Variants in YTHDF1 observed in about 807,000 individuals in gnomAD.
YTHDF1 encodes the protein YTH domain-containing family protein 1.
Under a neutral mutation model 49.1 loss-of-function variants are expected in YTHDF1, and 16 were observed. The observed-to-expected ratio is 0.33, with a 90% CI of 0.22 to 0.49. The LOEUF (loss-of-function observed/expected upper bound fraction) is 0.49, where lower values mean the gene tolerates loss of function less well. YTHDF1 is among the 20% of genes least tolerant of loss of function. YTHDF1 has a pLI of 0.99. For missense variants in YTHDF1, 621 were observed against 744.3 expected (o/e 0.83, Z 1.93); for synonymous variants, 313 against 290.1 (o/e 1.08, Z -0.80).
intron 4 of YTHDF1, 146 bp from the exon 5 acceptor site, chr20:63,196,880 A>G: frequency 1.2e-6 from 1 of 849,090 alleles, no homozygotes; most frequent in Non-Finnish European, 1.8e-6. Context: ...CCAGCACACA[A>G]CTCTGAGCTG....
chr20:63,199,965 G>A (rs1259995620), intron 4 of YTHDF1, among the ~76,000 whole-genome samples: 1 of 152,000 alleles, frequency 6.6e-6, no homozygotes, highest in East Asian at 1.9e-4. Flanking sequence ...GAGGCAGGAA[G>A]ACCGCTTGAG....
chr20:63,199,696 G>A (rs1293205677), intron 4 of YTHDF1, among the ~76,000 whole-genome samples: 1 of 152,178 alleles, frequency 6.6e-6, no homozygotes, highest in Non-Finnish European at 1.5e-5. Context: ...GGGAGAGCCA[G>A]CAGCGAAGTC....
intron 3 of YTHDF1, among the ~76,000 whole-genome samples, chr20:63,212,602 C>A (rs2066580227): frequency 6.6e-6 from 1 of 152,210 alleles, no homozygotes; most frequent in South Asian, 2.1e-4. Flanking sequence ...AGCCAACGGC[C>A]TGGAGGTAGG....
chr20:63,215,443 A>T, intron 2 of YTHDF1, 134 bp downstream of exon 2: 1 of 1,221,446 alleles, frequency 8.2e-7, no homozygotes, highest in Non-Finnish European at 1.2e-6. Context: ...GAATCGTCGC[A>T]CAACCTCAAG....
intron 3 of YTHDF1, among the ~76,000 whole-genome samples, chr20:63,208,258 A>G (rs2066557636): frequency 6.6e-6 from 1 of 152,184 alleles, no homozygotes; most frequent in Non-Finnish European, 1.5e-5. Flanking sequence ...AAAAACAAAC[A>G]AACAAAACAA....
intron 3 of YTHDF1, among the ~76,000 whole-genome samples, chr20:63,207,675 G>A (rs1032575443): frequency 6.6e-6 from 1 of 152,088 alleles, no homozygotes; most frequent in Non-Finnish European, 1.5e-5. Context: ...CCTCACTGCA[G>A]CCCCTGCGGA....
In YTHDF1 at chr20:63,203,629, A is replaced by C; in HGVS notation, c.311T>G (p.Val104Gly). 2 of 1,614,092 alleles carry C rather than the reference A, an allele frequency of 1.2e-6. No individual in the cohort carries two copies. The highest frequency in any genetic ancestry group is 1.7e-6 in the Non-Finnish European group (2 of 1,180,024). Residue 104 changes from valine to glycine, a missense_variant, in exon 4 of 5, where the codon GTT becomes GGT. Coordinates refer to ENST00000370339, the MANE Select transcript of YTHDF1 (RefSeq NM_017798.4). This position sits in a 1 kb window ranked among gnomAD's most constrained non-coding sequence, Gnocchi z 4.4. ...CCCCAGGCCCCCAGGCTGCCCAAAA[A>C]CAGCATCGTGCATAAAATGATGGTC... is the stretch of plus-strand genomic sequence containing the variant. ...NGDHHFMHDAVFGQPGGLGNN... is the reference protein window; with the variant it reads ...NGDHHFMHDAGFGQPGGLGNN...
chr20:63,212,687 T>G (rs145688821), intron 3 of YTHDF1, among the ~76,000 whole-genome samples: 211 of 152,328 alleles, frequency 1.4e-3, no homozygotes, highest in African/African-American at 4.7e-3. Flanking sequence ...CTTGGGAGTT[T>G]TGCTGCAACA....
chr20:63,201,743 G>C lies in YTHDF1; in HGVS notation c.1653+544C>G, dbSNP rs144290131. Among the ~76,000 whole-genome samples the C allele has an allele frequency of 9.8e-3, 1,486 of 152,290 alleles. 11 individuals carry two copies. Among genetic ancestry groups the C allele is most frequent in the Non-Finnish European group, 0.013 (910 of 68,034 alleles). On this transcript the variant is annotated intron_variant, in intron 4 of 4. Transcript: ENST00000370339. Reference sequence around the variant, plus strand: ...GTTTCCAAAAACTGCAGGATACTGGGTTTTTAAAAGAAAAATAAAGCAACG... The same window carrying C: ...GTTTCCAAAAACTGCAGGATACTGGCTTTTTAAAAGAAAAATAAAGCAACG...
Position 63,203,112 on chromosome 20 carries a change from G to T in YTHDF1, c.828C>A (p.Asn276Lys). 6.2e-7 allele frequency: 1 copy of T among 1,612,026 alleles called. No homozygotes were observed. Among genetic ancestry groups the T allele is most frequent in the Non-Finnish European group, 8.5e-7 (1 of 1,178,864 alleles). ...CTGGGGCCTTCGGCACAGGCCCCTT[G>T]TTATCCCAGGTGCCAATGTCCATGT... ...KHNMDIGTWD[N>K]KGPVPKAPVP... Residue 276 changes from asparagine (N) to lysine (K), a missense_variant, in exon 4 of 5, where the codon AAC becomes AAA. Around this residue, in one of 2 missense-constraint regions of YTHDF1, gnomAD observed 470 missense variants for 495.8 expected, o/e 0.95. Coordinates refer to ENST00000370339, the MANE Select transcript of YTHDF1 (RefSeq NM_017798.4). The surrounding 1 kb of genome is among the most constrained non-coding windows in gnomAD (Gnocchi z 4.4).
intron 4 of YTHDF1, among the ~76,000 whole-genome samples, chr20:63,198,961 G>A (rs2066505030): frequency 6.6e-6 from 1 of 152,228 alleles, no homozygotes; most frequent in South Asian, 2.1e-4. Context: ...TGACTCTGCT[G>A]CCATAAAAGC....
In YTHDF1 at chr20:63,202,483, T is replaced by C; in HGVS notation, c.1457A>G (p.Asn486Ser). The C allele has an allele frequency of 1.2e-6, 2 of 1,614,284 alleles. No individual in the cohort carries two copies. Among genetic ancestry groups the C allele is most frequent in the Non-Finnish European group, 8.5e-7 (1 of 1,180,050 alleles). The change falls in exon 4 of 5, where the codon AAT (asparagine) becomes AGT (serine). Residue 486 changes from asparagine to serine, a missense_variant. Physicochemically the swap from Asn to Ser is conservative, Grantham distance 46. Transcript: ENST00000370339. ...CAGCCTGATGTGCCGGAGCTGGTTATTGGGTACATCCTTAACAAAAATCCA... is the reference window on the plus strand; with the variant it reads ...CAGCCTGATGTGCCGGAGCTGGTTACTGGGTACATCCTTAACAAAAATCCA... Reference protein sequence around the residue: ...VQWIFVKDVPNNQLRHIRLEN... With the variant: ...VQWIFVKDVPSNQLRHIRLEN...
Position 63,202,445 on chromosome 20 carries a change from TGTC to T in YTHDF1, c.1492_1494del (p.Asp498del), listed in dbSNP as rs780567641. 1.2e-6 allele frequency: 2 copies of T among 1,613,820 alleles called. No homozygotes were observed. The highest frequency in any genetic ancestry group is 1.7e-6 in the Non-Finnish European group (2 of 1,179,660). On this transcript the variant is annotated inframe_deletion, in exon 4 of 5. Transcript: ENST00000370339. Reference sequence around the variant, plus strand: ...TCCCGGGAGTTTGTGACCGGTTTGTTGTCGTTATTCTCCAGCCTGATGTGCCGG... The same window carrying T: ...TCCCGGGAGTTTGTGACCGGTTTGTTGTTATTCTCCAGCCTGATGTGCCGG...
At position 63,196,602 on chromosome 20, in the gene YTHDF1, AAC is replaced by A. The variant is rs935346735; in HGVS notation, c.*104_*105del. 25 of 1,342,852 alleles carry A rather than the reference AAC, an allele frequency of 1.9e-5. No individual in the cohort carries two copies. The African/African-American group carries it at 3.0e-4, about 16-fold the overall frequency. The allele number at this position is 1,342,852 out of a possible 1,614,324, so 83.2% of individuals were successfully genotyped here. A position where few individuals can be genotyped will look rare whatever the true frequency, so the allele number is the denominator to read the frequency against. ...TCAACGACAAGAAAGGCAAAGATGC[AAC>A]ACTCAACCCCCGCACGGGACGACAC... On this transcript the variant is annotated 3_prime_UTR_variant, in exon 5 of 5. Transcript: ENST00000370339.
At position 63,213,892 on chromosome 20, in the gene YTHDF1, T is replaced by C; in HGVS notation, c.104A>G (p.Glu35Gly). Reference sequence around the variant, plus strand: ...ATTTGACTGTCCAGTAAGGTAGGGCTCAAAGTCATTGTCATGAACTGTATC... The same window carrying C: ...ATTTGACTGTCCAGTAAGGTAGGGCCCAAAGTCATTGTCATGAACTGTATC... ...QKDTVHDNDF[E>G]PYLTGQSNQS... The change falls in exon 3 of 5, where the codon GAG (glutamate) becomes GGG (glycine). Residue 35 changes from glutamate (E) to glycine (G), a missense_variant. Physicochemically the swap from Glu to Gly is moderately conservative, Grantham distance 98. This residue lies in a region of YTHDF1 where 470 missense variants were observed against 495.8 expected (regional missense o/e 0.95). Transcript: ENST00000370339. 6.3e-7 allele frequency: 1 copy of C among 1,589,644 alleles called. No individual in the cohort carries two copies. Among genetic ancestry groups the C allele is most frequent in the Non-Finnish European group, 8.5e-7 (1 of 1,173,594 alleles).
chr20:63,195,779 AGTTTT>A lies in YTHDF1; in HGVS notation c.*924_*928del, dbSNP rs942175457. The A allele has an allele frequency of 6.6e-6, 1 of 152,228 alleles. No individual in the cohort carries two copies. Among genetic ancestry groups the A allele is most frequent in the Non-Finnish European group, 1.5e-5 (1 of 68,038 alleles). 9.4% of individuals were successfully genotyped at this position (152,228 alleles called of 1,614,324 possible). On this transcript the variant is annotated 3_prime_UTR_variant, in exon 5 of 5. Transcript: ENST00000370339. ...GACAGCAAATTCATCTTCTAAAAAAAGTTTTGTTTTGTTTTTACCCATTCAACAGG... is the reference window on the plus strand; with the variant it reads ...GACAGCAAATTCATCTTCTAAAAAAAGTTTTGTTTTTACCCATTCAACAGG...
In YTHDF1 at chr20:63,202,279, A is replaced by C. The variant is rs370271962; in HGVS notation, c.1653+8T>G. On this transcript the variant is annotated splice_region_variant and intron_variant, in intron 4 of 4. Transcript: ENST00000370339. ...TGCATGGCAGTTGCCTGCAACACCCAGCCTCACCTTGCGCACCACCTCCTC... is the reference window on the plus strand; with the variant it reads ...TGCATGGCAGTTGCCTGCAACACCCCGCCTCACCTTGCGCACCACCTCCTC... The C allele has an allele frequency of 6.2e-7, 1 of 1,607,694 alleles. No individual in the cohort carries two copies. The highest frequency in any genetic ancestry group is 1.3e-5 in the African/African-American group (1 of 74,856).
chr20:63,210,493 G>T (rs1189960482), intron 3 of YTHDF1, among the ~76,000 whole-genome samples: 1 of 152,164 alleles, frequency 6.6e-6, no homozygotes, highest in Non-Finnish European at 1.5e-5. Context: ...AGCCTCAAAA[G>T]AGAGAATCGG....
intron 3 of YTHDF1, among the ~76,000 whole-genome samples, chr20:63,210,137 C>A (rs1203727423): frequency 6.6e-6 from 1 of 152,142 alleles, no homozygotes; most frequent in African/African-American, 2.4e-5. Context: ...CATGGTAGCT[C>A]CAACGTCACC....
Sources: gnomAD v4.1 joint callset for allele counts (sites outside exome capture counted in the v4.1 genomes callset) on GRCh38, gnomAD v4.1.1 for gene constraint, gnomAD v4.1.1 regional missense constraint, Gnocchi (gnomAD v3.1) non-coding constraint, MANE v1.5 for transcripts, NCBI Gene and HGNC (gene_info 2026-07-23, HGNC 2026-07-21) for gene names.